The following ACOT7 variants were observed in gnomAD, a reference collection of about 807,000 sequenced individuals.
ACOT7 encodes acyl-CoA thioesterase 7.
ACOT7 carries 12 observed loss-of-function variants against 40.2 expected under a neutral mutation model. That is an observed-to-expected ratio of 0.30 (90% CI 0.19 to 0.48). The LOEUF is 0.48. Ranked by LOEUF, ACOT7 falls within the 20% of genes least tolerant of loss-of-function variation. The pLI, the probability that ACOT7 is intolerant of heterozygous loss-of-function variation, is 0.99. For missense variants in ACOT7, 395 were observed against 530.8 expected (o/e 0.74, Z 2.51); for synonymous variants, 228 against 219.5 (o/e 1.04, Z -0.34).
At chr1:6,283,805 T>C (rs1328562169) in intron 7 of ACOT7, among the ~76,000 whole-genome samples, 1 of 152,170 alleles carries the variant, frequency 6.6e-6, no homozygotes, top group Non-Finnish European at 1.5e-5. Flanking sequence ...GGCTATAAGG[T>C]TGGCTAGCAG....
At position 6,393,263 on chromosome 1, in the gene ACOT7, A is replaced by T; in HGVS notation, c.137T>A (p.Ile46Asn). 1 of 1,283,812 alleles carries T rather than the reference A, an allele frequency of 7.8e-7. No individual in the cohort carries two copies. 79.5% of individuals were successfully genotyped at this position (1,283,812 alleles called of 1,614,324 possible). Reference sequence around the variant, plus strand: ...CGCGCGGGCCCTCTCTTACCGGCAGATCTGGATGGCGGACGGCGTCTCGAC... The same window carrying T: ...CGCGCGGGCCCTCTCTTACCGGCAGTTCTGGATGGCGGACGGCGTCTCGAC... ...PDVETPSAIQ[I>N]CRIMRPDDAN... Residue 46 changes from isoleucine to asparagine, a missense_variant, in exon 1 of 9, where the codon ATC becomes AAC. Physicochemically the swap from Ile to Asn is moderately radical, Grantham distance 149. Around this residue, in one of 2 missense-constraint regions of ACOT7, gnomAD observed 309 missense variants for 470.3 expected, o/e 0.66. Transcript: ENST00000361521.
chr1:6,297,685 A>G (rs1639848028), intron 6 of ACOT7, among the ~76,000 whole-genome samples: 1 of 152,218 alleles, frequency 6.6e-6, no homozygotes, highest in South Asian at 2.1e-4. Context: ...ATTCGACGAT[A>G]CTAAGGACTT....
rs768446521 is a variant in ACOT7 at position 6,339,585 on chromosome 1, C to T, written c.266G>A (p.Arg89His). The change falls in exon 3 of 9, where the codon CGC becomes CAC. Residue 89 changes from arginine to histidine, a missense_variant. This residue lies in a region of ACOT7 where 309 missense variants were observed against 470.3 expected (regional missense o/e 0.66). Transcript: ENST00000361521. ...GACACGAGCCAGGGCGGCCACACAG[C>T]GCTCCTGTGGAGACAGAGGCAGTTG... ...TRHCNSQNGE[R>H]CVAALARVER... 23 of 1,613,114 alleles carry T rather than the reference C, an allele frequency of 1.4e-5. No homozygotes were observed. The highest frequency in any genetic ancestry group is 2.2e-5 in the East Asian group (1 of 44,872).
intron 6 of ACOT7, among the ~76,000 whole-genome samples, chr1:6,304,829 A>G (rs1276250617): frequency 7.3e-6 from 1 of 137,244 alleles, no homozygotes; most frequent in East Asian, 2.1e-4. Context: ...CCGATTTCTC[A>G]ATCTTTTCCC....
intron 1 of ACOT7, among the ~76,000 whole-genome samples, chr1:6,369,617 C>T (rs978195002): frequency 2.6e-5 from 4 of 151,188 alleles, no homozygotes; most frequent in East Asian, 2.0e-4. Flanking sequence ...CTCGCTGTAT[C>T]GCCCAGGCTG....
intron 5 of ACOT7, among the ~76,000 whole-genome samples, chr1:6,324,911 C>A (rs1640755689): frequency 6.6e-6 from 1 of 152,182 alleles, no homozygotes; most frequent in Non-Finnish European, 1.5e-5. Context: ...TGGCCCTGAG[C>A]GCTGTGTTGG....
At chr1:6,310,524 A>G (rs761631720) in intron 6 of ACOT7, among the ~76,000 whole-genome samples, 1 of 152,230 alleles carries the variant, frequency 6.6e-6, no homozygotes, top group East Asian at 1.9e-4. Context: ...GTCCAGGGAC[A>G]TGGGTGGGAG....
chr1:6,390,449 G>A (rs1217330372), intron 1 of ACOT7, among the ~76,000 whole-genome samples: 2 of 150,974 alleles, frequency 1.3e-5, no homozygotes. Context: ...GTGCACGCCT[G>A]TAGTCCCAGC....
In ACOT7 at chr1:6,393,308, G is replaced by A; in HGVS notation, c.92C>T (p.Pro31Leu). The change falls in exon 1 of 9, where the codon CCC becomes CTC. Residue 31 changes from proline to leucine, a missense_variant. Physicochemically the swap from Pro to Leu is moderately conservative, Grantham distance 98. Transcript: ENST00000361521. Reference sequence around the variant, plus strand: ...CTCGACGTCTGGGCCCGACATGCTGGGGGCTGCGGCGGCGGATGCGGCGGG... The same window carrying A: ...CTCGACGTCTGGGCCCGACATGCTGAGGGCTGCGGCGGCGGATGCGGCGGG... ...QPPAASAAAAPSMSGPDVETP... is the reference protein window; with the variant it reads ...QPPAASAAAALSMSGPDVETP... The A allele has an allele frequency of 7.8e-7, 1 of 1,283,184 alleles. No homozygotes were observed. 79.5% of individuals were successfully genotyped at this position (1,283,184 alleles called of 1,614,324 possible). A position where few individuals can be genotyped will look rare whatever the true frequency, so the allele number is the denominator to read the frequency against.
intron 1 of ACOT7, among the ~76,000 whole-genome samples, chr1:6,369,575 T>C (rs1224181824): frequency 3.3e-5 from 5 of 149,990 alleles, no homozygotes; most frequent in African/African-American, 7.5e-5. Flanking sequence ...TCCAGCTAAT[T>C]TCTTTTTTTT....
chr1:6,392,379 G>A (rs923501236), intron 1 of ACOT7, among the ~76,000 whole-genome samples: 3 of 152,218 alleles, frequency 2.0e-5, no homozygotes, highest in Non-Finnish European at 4.4e-5. Flanking sequence ...TCCTCACTTA[G>A]CTCATGCACA....
At chr1:6,305,688 G>A (rs1471384984) in intron 6 of ACOT7, among the ~76,000 whole-genome samples, 7 of 148,514 alleles carry the variant, frequency 4.7e-5, no homozygotes, top group South Asian at 2.2e-4. Context: ...GGGCAGAGAC[G>A]CTCCTCACTT....
chr1:6,372,816 C>T (rs892775574), intron 1 of ACOT7, among the ~76,000 whole-genome samples: 4 of 152,186 alleles, frequency 2.6e-5, no homozygotes, highest in Admixed American at 2.6e-4. Flanking sequence ...TCCCAAAGTG[C>T]TGGAATTATA....
At chr1:6,281,957 C>T (rs1303636514) in intron 7 of ACOT7, among the ~76,000 whole-genome samples, 2 of 152,148 alleles carry the variant, frequency 1.3e-5, no homozygotes, top group Non-Finnish European at 2.9e-5. Flanking sequence ...ATGCCACACC[C>T]CTTGGCCAGA....
rs1179734288 is a variant in ACOT7, at chr1:6,359,566, G to GCTGCCAC, written c.144-9707_144-9701dup. Among the ~76,000 whole-genome samples the GCTGCCAC allele has an allele frequency of 6.6e-6, 1 of 152,068 alleles. No homozygotes were observed. Among genetic ancestry groups the GCTGCCAC allele is most frequent in the African/African-American group, 2.4e-5 (1 of 41,400 alleles). ...ACTCCCGCGGGCTCTTAGGCTGCCG[G>GCTGCCAC]CTGCCACCTGTGGGCCCTGTGCCCC... On this transcript the variant is annotated intron_variant, in intron 1 of 8. Transcript: ENST00000361521. This position sits in a 1 kb window ranked among gnomAD's most constrained non-coding sequence, Gnocchi z 4.1.
intron 6 of ACOT7, among the ~76,000 whole-genome samples, chr1:6,305,553 G>A (rs1442097376): frequency 1.8e-4 from 27 of 150,236 alleles, no homozygotes; most frequent in African/African-American, 6.4e-4. Context: ...CTTCTCAGAC[G>A]GGGCGGCCGG....
chr1:6,280,952 G>A (rs1024868225), intron 8 of ACOT7, 150 bp downstream of exon 8: 25 of 1,102,294 alleles, frequency 2.3e-5, no homozygotes, highest in Middle Eastern at 2.9e-4. Flanking sequence ...CGAGGTCACC[G>A]GTCACGGCAG....
intron 1 of ACOT7, among the ~76,000 whole-genome samples, chr1:6,382,010 C>T (rs374955142): frequency 5.3e-5 from 8 of 151,504 alleles, no homozygotes; most frequent in Non-Finnish European, 8.8e-5. Flanking sequence ...TGATGGTGGG[C>T]GCCTGTAGTC....
At position 6,359,168 on chromosome 1, in the gene ACOT7, A is replaced by T. The variant is rs927486036; in HGVS notation, c.144-9302T>A. ...GGGCCGCTGCTGAGCGGCCTCAGGG[A>T]AGCGGCTATGAGGCTCTGCCTTCTC... On this transcript the variant is annotated intron_variant, in intron 1 of 8. Transcript: ENST00000361521. The surrounding 1 kb of genome is among the most constrained non-coding windows in gnomAD (Gnocchi z 4.1). 3.8e-6 allele frequency: 1 copy of T among 264,700 alleles called. No homozygotes were observed. Among genetic ancestry groups the T allele is most frequent in the African/African-American group, 2.2e-5 (1 of 44,616 alleles). 16.4% of individuals were successfully genotyped at this position (264,700 alleles called of 1,614,324 possible).
Sources: allele counts gnomAD v4.1 joint callset (sites outside exome capture counted in the v4.1 genomes callset), GRCh38; gene constraint gnomAD v4.1.1; regional missense constraint gnomAD v4.1.1; non-coding constraint Gnocchi (gnomAD v3.1); transcripts MANE v1.5; gene names NCBI Gene and HGNC (gene_info 2026-07-23, HGNC 2026-07-21).